The following MVB12B variants were observed in gnomAD, a reference collection of about 807,000 sequenced individuals.
MVB12B encodes multivesicular body subunit 12B, also known as ESCRT-I complex subunit MVB12B.
Under a neutral mutation model 41.6 loss-of-function variants are expected in MVB12B, and 16 were observed. The observed-to-expected ratio is 0.38, with a 90% CI of 0.26 to 0.58. MVB12B has a LOEUF of 0.58. MVB12B is among the 20% of genes least tolerant of loss of function. The pLI is 0.62. For synonymous variants in MVB12B, 133 were observed against 139.7 expected (o/e 0.95, Z 0.34); for missense variants, 274 against 380.2 (o/e 0.72, Z 2.32).
intron 7 of MVB12B, among the ~76,000 whole-genome samples, chr9:126,424,786 C>T (rs1441148633): frequency 6.6e-6 from 1 of 152,234 alleles, no homozygotes. Flanking sequence ...GTACCCTAAT[C>T]CAAACGGCCA....
At chr9:126,431,891 T>C (rs114953281) in intron 7 of MVB12B, among the ~76,000 whole-genome samples, 1,587 of 152,272 alleles carry the variant, frequency 0.01, 24 homozygotes, top group African/African-American at 0.037. Context: ...TAGCAATAGG[T>C]CGGCTCATTC....
rs532217212 is a variant in MVB12B at position 126,475,832 on chromosome 9, A to G, written c.758-5537A>G. The stretch of plus-strand genomic sequence containing the variant: ...GGCCAGAAGTTCAAGACCAGCCTGG[A>G]CAGCCTGGACAGTGAGACCCCCATC... On this transcript the variant is annotated intron_variant, in intron 7 of 9. Coordinates refer to ENST00000361171, the MANE Select transcript of MVB12B (RefSeq NM_033446.3). Among the ~76,000 whole-genome samples the G allele has an allele frequency of 4.6e-5, 7 of 152,306 alleles. No homozygotes were observed. In the South Asian group the frequency reaches 1.5e-3, roughly 32 times the overall value.
chr9:126,469,156 AT>A (rs749271301), intron 7 of MVB12B, among the ~76,000 whole-genome samples: 5 of 152,164 alleles, frequency 3.3e-5, no homozygotes, highest in African/African-American at 4.8e-5. Flanking sequence ...AGCCTGGGTG[AT>A]AGAGCAAAAG....
intron 1 of MVB12B, chr9:126,335,321 T>C: frequency 7.7e-7 from 1 of 1,304,206 alleles, no homozygotes; most frequent in Non-Finnish European, 1.0e-6. Context: ...GTCTGTGCAC[T>C]GTCCCCCACG....
At chr9:126,387,052 T>C (rs1830816791) in intron 4 of MVB12B, among the ~76,000 whole-genome samples, 1 of 152,088 alleles carries the variant, frequency 6.6e-6, no homozygotes, top group Admixed American at 6.5e-5. Context: ...ACAAGGCCAA[T>C]AATGTGCCCA....
intron 2 of MVB12B, among the ~76,000 whole-genome samples, chr9:126,350,147 A>G (rs149338441): frequency 0.025 from 3,758 of 152,106 alleles, 70 homozygotes; most frequent in South Asian, 0.04. Context: ...CTTCCATGAA[A>G]ATTTCTTCAT....
chr9:126,468,325 C>G lies in MVB12B; in HGVS notation c.758-13044C>G, dbSNP rs527511535. Among the ~76,000 whole-genome samples the G allele has an allele frequency of 3.3e-5, 5 of 152,172 alleles. No individual in the cohort carries two copies. In the East Asian group the frequency reaches 7.7e-4, roughly 23 times the overall value. On this transcript the variant is annotated intron_variant, in intron 7 of 9. Coordinates refer to ENST00000361171, the MANE Select transcript of MVB12B (RefSeq NM_033446.3). The surrounding 1 kb of genome is among the most constrained non-coding windows in gnomAD (Gnocchi z 4.3). The stretch of plus-strand genomic sequence containing the variant: ...CCCTCACACACCCATCTCACATTCT[C>G]GGTCATAATGTTCTAACCAGTGTTG...
At chr9:126,353,975 T>C (rs539026079) in intron 2 of MVB12B, among the ~76,000 whole-genome samples, 2 of 152,342 alleles carry the variant, frequency 1.3e-5, no homozygotes, top group South Asian at 4.1e-4. Context: ...AAACAGTATA[T>C]CCAAATAGCT....
At position 126,340,385 on chromosome 9, in the gene MVB12B, C is replaced by T. The variant is rs1300803760; in HGVS notation, c.82-123C>T. The T allele has an allele frequency of 9.4e-7, 1 of 1,062,690 alleles. No individual in the cohort carries two copies. The highest frequency in any genetic ancestry group is 1.6e-5 in the African/African-American group (1 of 62,600). The allele number at this position is 1,062,690 out of a possible 1,614,324, so 65.8% of individuals were successfully genotyped here. A position where few individuals can be genotyped will look rare whatever the true frequency, so the allele number is the denominator to read the frequency against. On this transcript the variant is annotated intron_variant, in intron 1 of 9. Coordinates refer to ENST00000361171, the MANE Select transcript of MVB12B (RefSeq NM_033446.3). The surrounding 1 kb of genome is among the most constrained non-coding windows in gnomAD (Gnocchi z 4.0). The stretch of plus-strand genomic sequence containing the variant: ...TCACATAGGGTCAGGACTCATTCAA[C>T]CAGTACAGGTATGTGAAACTCAGGG...
intron 6 of MVB12B, among the ~76,000 whole-genome samples, chr9:126,420,860 G>A (rs1235067073): frequency 6.6e-6 from 1 of 152,038 alleles, no homozygotes; most frequent in African/African-American, 2.4e-5. Context: ...GAGTGTTTAT[G>A]CACAGCAGTC....
intron 1 of MVB12B, among the ~76,000 whole-genome samples, chr9:126,330,304 TAC>T (rs142849542): frequency 8.8e-5 from 13 of 148,272 alleles, no homozygotes; most frequent in South Asian, 2.2e-4. Context: ...TTTCTTTCTT[TAC>T]ACACACACAC....
intron 7 of MVB12B, among the ~76,000 whole-genome samples, chr9:126,438,432 A>G (rs531755951): frequency 2.8e-4 from 43 of 152,052 alleles, no homozygotes; most frequent in African/African-American, 9.4e-4. Flanking sequence ...GGTGTCAATG[A>G]TAATTCGTCT....
chr9:126,384,426 A>G (rs921362203), intron 3 of MVB12B, among the ~76,000 whole-genome samples: 3 of 152,190 alleles, frequency 2.0e-5, no homozygotes, highest in Admixed American at 2.0e-4. Context: ...TCATTTGTGT[A>G]CTTTTGGTTC....
rs1327852259 is a variant in MVB12B at position 126,327,431 on chromosome 9, C to T, written c.81+421C>T. On this transcript the variant is annotated intron_variant, in intron 1 of 9. Transcript: ENST00000361171. Reference sequence around the variant, plus strand: ...CTCTGGTCACGTGGGTGCAGACCAACGTGCACCTGCCCCAGGAGCATCACT... The same window carrying T: ...CTCTGGTCACGTGGGTGCAGACCAATGTGCACCTGCCCCAGGAGCATCACT... The T allele has an allele frequency of 6.5e-6, 4 of 614,896 alleles. No homozygotes were observed. In the African/African-American group the frequency reaches 8.0e-5, roughly 12 times the overall value. The allele number at this position is 614,896 out of a possible 1,614,324, so 38.1% of individuals were successfully genotyped here. A position where few individuals can be genotyped will look rare whatever the true frequency, so the allele number is the denominator to read the frequency against.
At position 126,506,059 on chromosome 9, in the gene MVB12B, AGGT is replaced by A. The variant is rs1211862255; in HGVS notation, c.*2798_*2800del. The A allele has an allele frequency of 6.6e-6, 1 of 152,322 alleles. No homozygotes were observed. The highest frequency in any genetic ancestry group is 1.5e-5 in the Non-Finnish European group (1 of 68,056). 9.4% of individuals were successfully genotyped at this position (152,322 alleles called of 1,614,324 possible). ...AAATGGCACAAAGGTGATAAGGAGC[AGGT>A]GCTTTGCTGCAGTCTCCCTTGCAAA... On this transcript the variant is annotated 3_prime_UTR_variant, in exon 10 of 10. Transcript: ENST00000361171.
chr9:126,329,189 C>T (rs892301929), intron 1 of MVB12B, among the ~76,000 whole-genome samples: 2 of 152,088 alleles, frequency 1.3e-5, no homozygotes, highest in African/African-American at 4.8e-5. Context: ...CCTCCTGGAC[C>T]CCAGGTGACC....
chr9:126,361,856 G>C (rs1207165913), intron 2 of MVB12B, among the ~76,000 whole-genome samples: 1 of 149,574 alleles, frequency 6.7e-6, no homozygotes, highest in Non-Finnish European at 1.5e-5. Context: ...CAAGGCTGCA[G>C]TGAGCTGTGA....
intron 7 of MVB12B, among the ~76,000 whole-genome samples, chr9:126,472,666 T>C (rs1833340349): frequency 6.6e-6 from 1 of 152,158 alleles, no homozygotes; most frequent in South Asian, 2.1e-4. Flanking sequence ...TTCTTTAATG[T>C]ATTTTACAAA....
At chr9:126,411,420 C>CT (rs1831645828) in intron 6 of MVB12B, among the ~76,000 whole-genome samples, 1 of 152,140 alleles carries the variant, frequency 6.6e-6, no homozygotes, top group East Asian at 1.9e-4. Flanking sequence ...AAAAAAAGTG[C>CT]GCTGAGTCAG....
Sources: allele counts gnomAD v4.1 joint callset (sites outside exome capture counted in the v4.1 genomes callset), GRCh38; gene constraint gnomAD v4.1.1; non-coding constraint Gnocchi (gnomAD v3.1); transcripts MANE v1.5; gene names NCBI Gene and HGNC (gene_info 2026-07-23, HGNC 2026-07-21).